ASPH: variants seen among roughly 807,000 people sequenced by gnomAD.
ASPH encodes the protein aspartate beta-hydroxylase.
ASPH carries 100 observed loss-of-function variants against 118.4 expected under a neutral mutation model. The ratio of observed to expected loss-of-function variants is 0.84; its 90% CI spans 0.72 to 1.00. ASPH has a LOEUF of 1.00. Ranked by LOEUF, ASPH falls within the 50% of genes least tolerant of loss-of-function variation. The pLI is 0.00. For synonymous variants in ASPH, 315 were observed against 325.6 expected, an observed-to-expected ratio of 0.97 and a Z score of 0.35; for missense variants, 920 against 919.5, an observed-to-expected ratio of 1.00 and a Z score of -0.01.
intron 5 of ASPH, 67 bp downstream of exon 5, chr8:61,650,983 C>G (rs1028658576): frequency 5.6e-6 from 8 of 1,440,294 alleles, no homozygotes; most frequent in African/African-American, 1.4e-5. Flanking sequence ...AACAAATGTC[C>G]AAGTCATTTT....
At chr8:61,539,699 G>GGGGTGT (rs1554618405) in intron 21 of ASPH, among the ~76,000 whole-genome samples, 29 of 124,308 alleles carry the variant, frequency 2.3e-4, no homozygotes, top group Non-Finnish European at 3.7e-4. Flanking sequence ...ACACTTCTGG[G>GGGGTGT]GTGTGTGTGT....
intron 3 of ASPH, among the ~76,000 whole-genome samples, chr8:61,674,122 T>C (rs1824040842): frequency 6.6e-6 from 1 of 152,230 alleles, no homozygotes; most frequent in Non-Finnish European, 1.5e-5. Context: ...ATTAATCGAA[T>C]ATCTTCTAGT....
chr8:61,565,376 G>A (rs978380719), intron 17 of ASPH, among the ~76,000 whole-genome samples: 2 of 152,056 alleles, frequency 1.3e-5, no homozygotes, highest in Non-Finnish European at 2.9e-5. Flanking sequence ...CTATAGTTAA[G>A]GAAGAAAAGA....
At chr8:61,618,910 TG>T in intron 14 of ASPH, 67 bp downstream of exon 14, 1 of 1,352,522 alleles carries the variant, frequency 7.4e-7, no homozygotes, top group Non-Finnish European at 1.0e-6. Flanking sequence ...TATTCTTGGA[TG>T]GAACATAAAA....
At chr8:61,548,311 T>C in intron 20 of ASPH, 103 bp from the exon 21 acceptor site, 1 of 1,341,040 alleles carries the variant, frequency 7.5e-7, no homozygotes, top group Non-Finnish European at 9.9e-7. Flanking sequence ...CTTTGACACA[T>C]TTAAATAAAG....
chr8:61,676,691 T>C (rs1167194528), intron 3 of ASPH, among the ~76,000 whole-genome samples: 1 of 152,126 alleles, frequency 6.6e-6, no homozygotes, highest in African/African-American at 2.4e-5. Flanking sequence ...GAAAAAAAGA[T>C]ATATACTCTG....
At chr8:61,561,278 T>C (rs1356130921) in intron 18 of ASPH, among the ~76,000 whole-genome samples, 2 of 152,228 alleles carry the variant, frequency 1.3e-5, no homozygotes, top group Non-Finnish European at 2.9e-5. Flanking sequence ...CTCTTAACCA[T>C]ACTCTGTAAG....
At chr8:61,510,586 T>C (rs1808453292) in intron 24 of ASPH, among the ~76,000 whole-genome samples, 1 of 152,192 alleles carries the variant, frequency 6.6e-6, no homozygotes, top group African/African-American at 2.4e-5. Context: ...CCATTTTCCA[T>C]ATGGGAAATG....
intron 15 of ASPH, chr8:61,579,312 C>T: frequency 6.2e-7 from 1 of 1,614,158 alleles, no homozygotes; most frequent in Non-Finnish European, 8.5e-7. Flanking sequence ...GCGGGCCAAG[C>T]AGGACATGGC....
chr8:61,642,743 G>A (rs1805765674), intron 10 of ASPH, 145 bp downstream of exon 10: 4 of 644,504 alleles, frequency 6.2e-6, no homozygotes, highest in Non-Finnish European at 1.0e-5. Flanking sequence ...TACTCAGGAG[G>A]CTGAGGCAAG....
At chr8:61,673,881 T>A (rs555559761) in intron 3 of ASPH, among the ~76,000 whole-genome samples, 1 of 152,278 alleles carries the variant, frequency 6.6e-6, no homozygotes, top group East Asian at 1.9e-4. Context: ...AGTCAGGGGT[T>A]CGTCAGCTAC....
intron 7 of ASPH, 152 bp from the exon 8 acceptor site, chr8:61,644,153 A>G: frequency 4.5e-6 from 3 of 670,246 alleles, no homozygotes; most frequent in Non-Finnish European, 7.6e-6. Flanking sequence ...ACAAATAGGT[A>G]TTAAGTGTGT....
chr8:61,699,041 C>T (rs1286278073), intron 1 of ASPH, among the ~76,000 whole-genome samples: 4 of 152,224 alleles, frequency 2.6e-5, no homozygotes, highest in Admixed American at 1.3e-4. Flanking sequence ...GGCCACTGGA[C>T]AGCCTAACCA....
At chr8:61,558,778 A>C (rs896264057) in intron 18 of ASPH, among the ~76,000 whole-genome samples, 2 of 152,130 alleles carry the variant, frequency 1.3e-5, no homozygotes, top group East Asian at 3.8e-4. Flanking sequence ...ACCCTCAGAA[A>C]ATGACAAGTG....
intron 17 of ASPH, among the ~76,000 whole-genome samples, chr8:61,565,284 T>A (rs886670516): frequency 9.9e-5 from 15 of 152,124 alleles, no homozygotes; most frequent in Non-Finnish European, 1.8e-4. Context: ...TACCAGTAAA[T>A]TTTTTTTAGA....
intron 14 of ASPH, among the ~76,000 whole-genome samples, chr8:61,609,149 C>T (rs1461748870): frequency 2.0e-5 from 3 of 152,300 alleles, no homozygotes; most frequent in African/African-American, 7.2e-5. Flanking sequence ...TGCCCTGCTA[C>T]CTTCATCCTG....
intron 24 of ASPH, chr8:61,517,153 T>G (rs16927446): frequency 0.11 from 19,264 of 174,338 alleles, 1,110 homozygotes; most frequent in Non-Finnish European, 0.13. Flanking sequence ...CAGTTAGGGG[T>G]ACTTCTTGTA....
intron 1 of ASPH, among the ~76,000 whole-genome samples, chr8:61,713,829 C>T (rs1391287380): frequency 2.0e-5 from 3 of 152,370 alleles, no homozygotes; most frequent in Admixed American, 2.0e-4. Context: ...CCATTTTCAC[C>T]TCCTTTGAGT....
chr8:61,556,816 T>C (rs374866524), intron 18 of ASPH, among the ~76,000 whole-genome samples: 1 of 151,748 alleles, frequency 6.6e-6, no homozygotes, highest in Non-Finnish European at 1.5e-5. Flanking sequence ...GAAAGATGCA[T>C]CTCCCATCTC....
Sources: gnomAD v4.1 joint callset for allele counts (sites outside exome capture counted in the v4.1 genomes callset) on GRCh38, gnomAD v4.1.1 for gene constraint, MANE v1.5 for transcripts, NCBI Gene and HGNC (gene_info 2026-07-23, HGNC 2026-07-21) for gene names.